The following STAT4 variants were observed in gnomAD, a reference collection of about 807,000 sequenced individuals.
STAT4 encodes the protein signal transducer and activator of transcription 4.
In STAT4, 42 loss-of-function variants were observed where a neutral mutation model predicts 110.5. That is an observed-to-expected ratio of 0.38 (90% CI 0.30 to 0.49). The LOEUF (loss-of-function observed/expected upper bound fraction) is 0.49, where lower values mean the gene tolerates loss of function less well. Among genes scored for constraint, STAT4 ranks in the 20% least tolerant of loss-of-function variants. The pLI is 0.95. For synonymous variants in STAT4, 284 were observed against 302.2 expected, an observed-to-expected ratio of 0.94 and a Z score of 0.63; for missense variants, 632 against 887.9, an observed-to-expected ratio of 0.71 and a Z score of 3.66.
chr2:191,091,089 G>A lies in STAT4; in HGVS notation c.274-14764C>T, dbSNP rs912831162. Among the ~76,000 whole-genome samples the A allele has an allele frequency of 1.3e-4, 20 of 152,184 alleles. No individual in the cohort carries two copies. The highest frequency in any genetic ancestry group is 4.1e-4 in the African/African-American group (17 of 41,522). Reference sequence around the variant, plus strand: ...ACTCTGTGATAAGAACAGATATCTCGTCATCATTAGAAAGTGTTTAGACAA... The same window carrying A: ...ACTCTGTGATAAGAACAGATATCTCATCATCATTAGAAAGTGTTTAGACAA... On this transcript the variant is annotated intron_variant, in intron 3 of 23. Transcript: ENST00000392320. This position sits in a 1 kb window ranked among gnomAD's most constrained non-coding sequence, Gnocchi z 5.4.
Position 191,050,659 on chromosome 2 carries a change from A to G in STAT4, c.1251+3831T>C, listed in dbSNP as rs1696495774. Among the ~76,000 whole-genome samples, 1 of 151,986 alleles carries G rather than the reference A, an allele frequency of 6.6e-6. No homozygotes were observed. Among genetic ancestry groups the G allele is most frequent in the Non-Finnish European group, 1.5e-5 (1 of 68,004 alleles). On this transcript the variant is annotated intron_variant, in intron 14 of 23. Transcript: ENST00000392320. The surrounding 1 kb of genome is among the most constrained non-coding windows in gnomAD (Gnocchi z 4.3). ...CCCACCAGAGTTTCCATCTGTAAAT[A>G]TATAAAATAAAGCTGCCTTGATAGA... is the stretch of plus-strand genomic sequence containing the variant.
intron 16 of STAT4, among the ~76,000 whole-genome samples, chr2:191,038,991 G>T (rs144530415): frequency 6.6e-6 from 1 of 152,120 alleles, no homozygotes; most frequent in Non-Finnish European, 1.5e-5. Flanking sequence ...TGTTACTTTT[G>T]CTAGCAGAAT....
chr2:191,098,569 T>C (rs1574153582), intron 3 of STAT4, among the ~76,000 whole-genome samples: 2 of 148,106 alleles, frequency 1.4e-5, no homozygotes, highest in East Asian at 4.0e-4. Context: ...TGAGAACACT[T>C]GGACACAGGG....
chr2:191,128,055 CAA>C (rs1311714236), intron 3 of STAT4, among the ~76,000 whole-genome samples: 1 of 152,222 alleles, frequency 6.6e-6, no homozygotes, highest in Non-Finnish European at 1.5e-5. Flanking sequence ...AGGCATCAAA[CAA>C]AGTCTTGACA....
chr2:191,098,379 A>T (rs1234011880), intron 3 of STAT4, among the ~76,000 whole-genome samples: 1 of 152,224 alleles, frequency 6.6e-6, no homozygotes, highest in African/African-American at 2.4e-5. Flanking sequence ...TCCATCAATG[A>T]TAGACTGGAT....
chr2:191,109,475 C>G (rs937971592), intron 3 of STAT4, among the ~76,000 whole-genome samples: 5 of 152,070 alleles, frequency 3.3e-5, no homozygotes, highest in Non-Finnish European at 7.4e-5. Context: ...CTCATGTAGT[C>G]TCCCTTCAAA....
chr2:191,065,069 C>T, intron 7 of STAT4, 111 bp from the exon 8 acceptor site: 1 of 1,192,710 alleles, frequency 8.4e-7, no homozygotes, highest in South Asian at 1.9e-5. Flanking sequence ...AAATTTTGAC[C>T]AAATATTTTA....
chr2:191,067,820 G>T (rs1016504328), intron 6 of STAT4, among the ~76,000 whole-genome samples: 2 of 152,108 alleles, frequency 1.3e-5, no homozygotes, highest in Non-Finnish European at 2.9e-5. Context: ...GCAAGTGCCT[G>T]TTCATACCAA....
chr2:191,109,822 T>G (rs1244120388), intron 3 of STAT4, among the ~76,000 whole-genome samples: 1 of 152,214 alleles, frequency 6.6e-6, no homozygotes. Flanking sequence ...GTCAATTTTC[T>G]AAGCACTTCA....
chr2:191,126,614 T>C (rs898992698), intron 3 of STAT4, among the ~76,000 whole-genome samples: 2 of 152,194 alleles, frequency 1.3e-5, no homozygotes, highest in South Asian at 2.1e-4. Context: ...CATTTTTTTT[T>C]CCTGGCCACA....
intron 13 of STAT4, among the ~76,000 whole-genome samples, chr2:191,055,659 T>C (rs1696669778): frequency 6.6e-6 from 1 of 152,220 alleles, no homozygotes; most frequent in African/African-American, 2.4e-5. Flanking sequence ...AGCTGATTTT[T>C]ATTTTCTATA....
chr2:191,085,165 C>T (rs1377529291), intron 3 of STAT4, among the ~76,000 whole-genome samples: 5 of 151,356 alleles, frequency 3.3e-5, no homozygotes, highest in Non-Finnish European at 7.4e-5. Flanking sequence ...AATGTTTCTG[C>T]TCTTTTGAAA....
chr2:191,060,287 A>G lies in STAT4; in HGVS notation c.1034+1442T>C, dbSNP rs1475076969. On this transcript the variant is annotated intron_variant, in intron 10 of 23. Transcript: ENST00000392320. The surrounding 1 kb of genome is among the most constrained non-coding windows in gnomAD (Gnocchi z 4.5). ...TTAGACTTACTATATCATCTATAGG[A>G]GTGTCTCAAGGAAAAGTAGAATGTC... is the stretch of plus-strand genomic sequence containing the variant. Among the ~76,000 whole-genome samples, 1 of 152,204 alleles carries G rather than the reference A, an allele frequency of 6.6e-6. No individual in the cohort carries two copies. Among genetic ancestry groups the G allele is most frequent in the African/African-American group, 2.4e-5 (1 of 41,450 alleles).
In STAT4 at chr2:191,036,306, TA is replaced by T; in HGVS notation, c.1435-8del. On this transcript the variant is annotated splice_region_variant and splice_polypyrimidine_tract_variant and intron_variant, in intron 16 of 23. Transcript: ENST00000392320. ...TATTAAAGAAAACCAAGTTCTGAAATAGAGTCAAGATGATAATTTGTTAATT... is the reference window on the plus strand; with the variant it reads ...TATTAAAGAAAACCAAGTTCTGAAATGAGTCAAGATGATAATTTGTTAATT... 6.2e-7 allele frequency: 1 copy of T among 1,613,876 alleles called. No homozygotes were observed. Among genetic ancestry groups the T allele is most frequent in the South Asian group, 1.1e-5 (1 of 91,076 alleles).
intron 14 of STAT4, among the ~76,000 whole-genome samples, chr2:191,052,598 A>G (rs566113238): frequency 1.3e-5 from 2 of 152,228 alleles, no homozygotes; most frequent in Non-Finnish European, 2.9e-5. Context: ...TTTTACATTC[A>G]TAAAGATGAC....
In STAT4 at chr2:191,146,253, T is replaced by C. The variant is rs1341604464; in HGVS notation, c.273+360A>G. On this transcript the variant is annotated intron_variant, in intron 3 of 23. Coordinates refer to ENST00000392320, the MANE Select transcript of STAT4 (RefSeq NM_003151.4). This position sits in a 1 kb window ranked among gnomAD's most constrained non-coding sequence, Gnocchi z 4.5. ...TGCTCTCATTTAGGAATGAGAACAA[T>C]ACTAACTCTAACTTGTTACCTAAGA... is the stretch of plus-strand genomic sequence containing the variant. Among the ~76,000 whole-genome samples the C allele has an allele frequency of 1.3e-5, 2 of 152,092 alleles. No individual in the cohort carries two copies. Among genetic ancestry groups the C allele is most frequent in the African/African-American group, 4.8e-5 (2 of 41,416 alleles).
At chr2:191,057,581 C>CTTTTTTTT (rs56816363) in intron 13 of STAT4, among the ~76,000 whole-genome samples, 1 of 121,330 alleles carries the variant, frequency 8.2e-6, no homozygotes, top group African/African-American at 3.0e-5. Context: ...AATTTCTTTT[C>CTTTTTTTT]TTTTTTTTTT....
At position 191,150,179 on chromosome 2, in the gene STAT4, T is replaced by A. The variant is rs1048046482; in HGVS notation, c.-2+768A>T. On this transcript the variant is annotated intron_variant, in intron 1 of 23. Transcript: ENST00000392320. The surrounding 1 kb of genome is among the most constrained non-coding windows in gnomAD (Gnocchi z 6.4). ...AAATAAAAATAAACACCGAAAAAAA[T>A]CACTACTAAGATCTGAGTCTTTCGG... is the stretch of plus-strand genomic sequence containing the variant. Among the ~76,000 whole-genome samples the A allele has an allele frequency of 6.6e-6, 1 of 151,302 alleles. No individual in the cohort carries two copies. The highest frequency in any genetic ancestry group is 2.4e-5 in the African/African-American group (1 of 41,124).
chr2:191,116,034 A>G lies in STAT4; in HGVS notation c.273+30579T>C, dbSNP rs572407824. Among the ~76,000 whole-genome samples the G allele has an allele frequency of 1.3e-5, 2 of 152,318 alleles. No individual in the cohort carries two copies. The highest frequency in any genetic ancestry group is 4.1e-4 in the South Asian group (2 of 4,828). On this transcript the variant is annotated intron_variant, in intron 3 of 23. Transcript: ENST00000392320. This position sits in a 1 kb window ranked among gnomAD's most constrained non-coding sequence, Gnocchi z 4.1. ...TCATATGGTACGTTTGGTTGAAATG[A>G]ACATTATGACCACAGAAAAAACTTA...
Sources: gnomAD v4.1 joint callset for allele counts (sites outside exome capture counted in the v4.1 genomes callset) on GRCh38, gnomAD v4.1.1 for gene constraint, Gnocchi (gnomAD v3.1) non-coding constraint, MANE v1.5 for transcripts, NCBI Gene and HGNC (gene_info 2026-07-23, HGNC 2026-07-21) for gene names.